DOK6: variants seen among roughly 807,000 people sequenced by gnomAD.
DOK6 encodes the protein downstream of tyrosine kinase 6.
A neutral mutation model predicts 44.0 loss-of-function variants in DOK6; 22 were observed. The ratio of observed to expected loss-of-function variants is 0.50; its 90% CI spans 0.36 to 0.71. The LOEUF (loss-of-function observed/expected upper bound fraction) is 0.71. Ranked by LOEUF, DOK6 falls within the 30% of genes least tolerant of loss-of-function variation. The pLI, the probability that DOK6 is intolerant of heterozygous loss-of-function variation, is 0.00. For synonymous variants in DOK6, 166 were observed against 145.5 expected, an observed-to-expected ratio of 1.14 and a Z score of -1.01; for missense variants, 340 against 416.4, an observed-to-expected ratio of 0.82 and a Z score of 1.60.
At chr18:69,468,812 A>G (rs1016013427) in intron 1 of DOK6, among the ~76,000 whole-genome samples, 2 of 152,236 alleles carry the variant, frequency 1.3e-5, no homozygotes, top group African/African-American at 4.8e-5. Context: ...GATGGACTAG[A>G]GCAGAAAGAA....
At chr18:69,742,329 G>C (rs1025142939) in intron 6 of DOK6, among the ~76,000 whole-genome samples, 3 of 150,428 alleles carry the variant, frequency 2.0e-5, no homozygotes, top group Non-Finnish European at 3.0e-5. Context: ...CAGGAGAATC[G>C]CTTGAACCCA....
intron 3 of DOK6, among the ~76,000 whole-genome samples, chr18:69,653,519 A>C (rs1008662983): frequency 6.6e-6 from 1 of 152,140 alleles, no homozygotes; most frequent in African/African-American, 2.4e-5. Context: ...CAATAGACTC[A>C]TGATATTGGG....
chr18:69,638,568 A>G (rs1415860316), intron 3 of DOK6, among the ~76,000 whole-genome samples: 2 of 152,060 alleles, frequency 1.3e-5, no homozygotes, highest in Non-Finnish European at 2.9e-5. Flanking sequence ...TTTGTACCAG[A>G]TCAAGTTTGA....
chr18:69,461,680 A>C (rs1484465131), intron 1 of DOK6, among the ~76,000 whole-genome samples: 1 of 152,198 alleles, frequency 6.6e-6, no homozygotes, highest in East Asian at 1.9e-4. Context: ...CTTTAAACCT[A>C]ATATTAAAAG....
At chr18:69,588,996 ATTTC>A (rs750710404) in intron 2 of DOK6, among the ~76,000 whole-genome samples, 7 of 152,026 alleles carry the variant, frequency 4.6e-5, no homozygotes, top group Non-Finnish European at 8.8e-5. Context: ...AATTAAATTG[ATTTC>A]TTTTTTTGTA....
chr18:69,608,362 A>G (rs1384856765), intron 3 of DOK6, among the ~76,000 whole-genome samples: 1 of 152,176 alleles, frequency 6.6e-6, no homozygotes, highest in African/African-American at 2.4e-5. Flanking sequence ...CCATCAGTCT[A>G]TATGTCTGCC....
rs1394842772 is a variant in DOK6, at chr18:69,706,416, A to G, written c.599+7823A>G. On this transcript the variant is annotated intron_variant, in intron 5 of 7. Coordinates refer to ENST00000382713, the MANE Select transcript of DOK6 (RefSeq NM_152721.6). ...ACAACCGAAAGTTTTCTAAAGTTATATGCCCTAAAAAACAGGAAGGACAAT... is the reference window on the plus strand; with the variant it reads ...ACAACCGAAAGTTTTCTAAAGTTATGTGCCCTAAAAAACAGGAAGGACAAT... Among the ~76,000 whole-genome samples, 4 of 152,198 alleles carry G rather than the reference A, an allele frequency of 2.6e-5. No individual in the cohort carries two copies. In the East Asian group the frequency reaches 7.7e-4, roughly 29 times the overall value.
At chr18:69,728,670 C>CCCCTTT (rs1978324696) in intron 5 of DOK6, among the ~76,000 whole-genome samples, 1 of 152,026 alleles carries the variant, frequency 6.6e-6, no homozygotes, top group African/African-American at 2.4e-5. Flanking sequence ...ACTTCCTGCC[C>CCCCTTT]CCCTTTACCC....
At chr18:69,434,390 C>CA (rs967516181) in intron 1 of DOK6, among the ~76,000 whole-genome samples, 3 of 152,088 alleles carry the variant, frequency 2.0e-5, no homozygotes, top group African/African-American at 7.2e-5. Flanking sequence ...TGATGAGTCT[C>CA]AAAAAATAAA....
intron 4 of DOK6, among the ~76,000 whole-genome samples, chr18:69,691,590 C>G (rs1986269014): frequency 6.6e-6 from 1 of 152,090 alleles, no homozygotes; most frequent in Admixed American, 6.5e-5. Flanking sequence ...CAGTTTTCAC[C>G]ATGGTGAACC....
chr18:69,631,125 T>C (rs1984681160), intron 3 of DOK6, among the ~76,000 whole-genome samples: 1 of 152,072 alleles, frequency 6.6e-6, no homozygotes, highest in Non-Finnish European at 1.5e-5. Context: ...AAAAAGCGGT[T>C]CTCATTTTTG....
intron 3 of DOK6, among the ~76,000 whole-genome samples, chr18:69,669,678 G>C (rs4353549): frequency 6.6e-6 from 1 of 151,684 alleles, no homozygotes; most frequent in Admixed American, 6.6e-5. Flanking sequence ...GCACCCCCCC[G>C]CCGACCCTCC....
chr18:69,675,404 T>C lies in DOK6; in HGVS notation c.290-2330T>C, dbSNP rs185056418. ...TGATTTTTACTCCCAAATAGCACAT[T>C]AGATATTTTCATCCTTATCTGTAGA... On this transcript the variant is annotated intron_variant, in intron 3 of 7. Transcript: ENST00000382713. Among the ~76,000 whole-genome samples, 3 of 152,356 alleles carry C rather than the reference T, an allele frequency of 2.0e-5. No individual in the cohort carries two copies. The East Asian group carries it at 5.8e-4, about 29-fold the overall frequency.
chr18:69,773,999 T>C (rs1979966122), intron 7 of DOK6, among the ~76,000 whole-genome samples: 1 of 149,770 alleles, frequency 6.7e-6, no homozygotes, highest in Admixed American at 6.7e-5. Flanking sequence ...TAATTGAATG[T>C]GGAACTAACA....
At position 69,482,575 on chromosome 18, in the gene DOK6, G is replaced by T. The variant is rs572033951; in HGVS notation, c.66+81265G>T. Among the ~76,000 whole-genome samples the T allele has an allele frequency of 1.2e-4, 19 of 152,094 alleles. 1 individual carries two copies. The highest frequency in any genetic ancestry group is 3.4e-4 in the African/African-American group (14 of 41,474). ...AACAATTCTGTTCTAGGCTGAAGCT[G>T]CCCATTACCAAAGTGAGATTATATA... On this transcript the variant is annotated intron_variant, in intron 1 of 7. Transcript: ENST00000382713.
At chr18:69,694,058 CAAAAAAAAAAAAAAAA>C (rs60662789) in intron 4 of DOK6, among the ~76,000 whole-genome samples, 13 of 62,008 alleles carry the variant, frequency 2.1e-4, no homozygotes, top group East Asian at 2.1e-3. Flanking sequence ...GACTCCGTGT[CAAAAAAAAAAAAAAAA>C]AAAAAAAAAA....
chr18:69,534,059 C>T (rs1017750252), intron 1 of DOK6, among the ~76,000 whole-genome samples: 15 of 152,096 alleles, frequency 9.9e-5, no homozygotes, highest in South Asian at 2.1e-4. Context: ...GTACATTACA[C>T]GTATTACCTC....
rs139324250 is a variant in DOK6, at chr18:69,564,621, G to C, written c.174+27G>C. The stretch of plus-strand genomic sequence containing the variant: ...TAAGTCACAGTCCTGGGAGTCCCTG[G>C]GGAATAACTGGGCCCTTGAAGACTT... On this transcript the variant is annotated intron_variant, in intron 2 of 7. Transcript: ENST00000382713. The C allele has an allele frequency of 1.9e-3, 2,936 of 1,547,610 alleles. 50 individuals carry two copies. In the African/African-American group the frequency reaches 0.036, roughly 19 times the overall value.
At chr18:69,491,690 G>A (rs1477058354) in intron 1 of DOK6, among the ~76,000 whole-genome samples, 2 of 152,148 alleles carry the variant, frequency 1.3e-5, no homozygotes, top group African/African-American at 2.4e-5. Flanking sequence ...ATGACTGAGG[G>A]TTTTCCAAAT....
Sources: gnomAD v4.1 joint callset for allele counts (sites outside exome capture counted in the v4.1 genomes callset) on GRCh38, gnomAD v4.1.1 for gene constraint, MANE v1.5 for transcripts, NCBI Gene and HGNC (gene_info 2026-07-23, HGNC 2026-07-21) for gene names.